ZNF248: variants seen among roughly 807,000 people sequenced by gnomAD.
ZNF248 encodes the protein KRAB protein domain.
ZNF248 carries 20 observed loss-of-function variants against 44.3 expected under a neutral mutation model. That is an observed-to-expected ratio of 0.45 (90% CI 0.32 to 0.66). The LOEUF (loss-of-function observed/expected upper bound fraction) is 0.66. ZNF248 is among the 30% of genes least tolerant of loss of function. The pLI, the probability that ZNF248 is intolerant of heterozygous loss-of-function variation, is 0.04. For synonymous variants in ZNF248, 224 were observed against 229.0 expected, an observed-to-expected ratio of 0.98 and a Z score of 0.20; for missense variants, 654 against 677.0, an observed-to-expected ratio of 0.97 and a Z score of 0.38.
the ZNF248 span, among the ~76,000 whole-genome samples, chr10:37,768,510 C>A: frequency 6.6e-6 from 1 of 152,168 alleles, no homozygotes; most frequent in Non-Finnish European, 1.5e-5. Context: ...ACAACCTGCT[C>A]CTGAATGACT....
intron 6 of ZNF248, among the ~76,000 whole-genome samples, chr10:37,797,569 G>A (rs753417290): frequency 1.3e-5 from 2 of 151,792 alleles, no homozygotes; most frequent in Non-Finnish European, 2.9e-5. Flanking sequence ...CAAGGGTCTG[G>A]TATCCAAATA....
intron 6 of ZNF248, among the ~76,000 whole-genome samples, chr10:37,818,148 C>T (rs2052843356): frequency 6.6e-6 from 1 of 152,102 alleles, no homozygotes; most frequent in African/African-American, 2.4e-5. Context: ...GATCTCCTGA[C>T]CTTGTGATCC....
intron 6 of ZNF248, among the ~76,000 whole-genome samples, chr10:37,817,976 CG>C (rs1482448893): frequency 6.6e-6 from 1 of 152,032 alleles, no homozygotes; most frequent in Non-Finnish European, 1.5e-5. Flanking sequence ...AGTGCAGTGG[CG>C]TGATCTCGGC....
intron 3 of ZNF248, among the ~76,000 whole-genome samples, chr10:37,841,850 C>A (rs2058407088): frequency 6.6e-6 from 1 of 152,156 alleles, no homozygotes; most frequent in Non-Finnish European, 1.5e-5. Context: ...AGACAAATAT[C>A]AACTGAGGGA....
the ZNF248 span, among the ~76,000 whole-genome samples, chr10:37,761,126 G>C: frequency 1.3e-5 from 2 of 152,114 alleles, no homozygotes; most frequent in Non-Finnish European, 2.9e-5. Context: ...AGGGTTACTG[G>C]CAGTTCCAAG....
downstream of ZNF248, among the ~76,000 whole-genome samples, chr10:37,827,213 T>C (rs1330636028): frequency 6.6e-6 from 1 of 152,200 alleles, no homozygotes; most frequent in African/African-American, 2.4e-5. Flanking sequence ...AAGCCTTTAC[T>C]AGGGGTCTGA....
chr10:37,781,354 C>T (rs973114707), intron 6 of ZNF248, among the ~76,000 whole-genome samples: 15 of 152,178 alleles, frequency 9.9e-5, no homozygotes, highest in African/African-American at 2.4e-4. Context: ...CTTGTTCCTG[C>T]GTCCAGGTCT....
chr10:37,823,385 C>T (rs1363626375), intron 6 of ZNF248, among the ~76,000 whole-genome samples: 8 of 115,632 alleles, frequency 6.9e-5, no homozygotes, highest in African/African-American at 2.5e-4. Flanking sequence ...AGGAACTAAT[C>T]ATTTTTTAAC....
intron 6 of ZNF248, among the ~76,000 whole-genome samples, chr10:37,797,096 G>A (rs1376822660): frequency 6.6e-6 from 1 of 152,148 alleles, no homozygotes; most frequent in African/African-American, 2.4e-5. Context: ...AGATGAGGAA[G>A]CTAAGGCATA....
intron 6 of ZNF248, among the ~76,000 whole-genome samples, chr10:37,814,088 C>A (rs2052020472): frequency 6.6e-6 from 1 of 152,028 alleles, no homozygotes; most frequent in Non-Finnish European, 1.5e-5. Context: ...GCATTTTTGT[C>A]CCTCATTTCC....
intron 6 of ZNF248, among the ~76,000 whole-genome samples, chr10:37,822,322 C>T (rs1436502132): frequency 2.6e-5 from 4 of 152,008 alleles, no homozygotes; most frequent in East Asian, 1.9e-4. Context: ...AAGCTGAAAA[C>T]GAGAACAACA....
intron 6 of ZNF248, chr10:37,819,593 C>T (rs2053125403): frequency 1.2e-6 from 1 of 857,022 alleles, no homozygotes; most frequent in East Asian, 2.4e-5. Flanking sequence ...ATTATGTATC[C>T]TTTTTAGTTC....
At chr10:37,819,075 G>A (rs1467876221) in intron 6 of ZNF248, 8 of 793,996 alleles carry the variant, frequency 1.0e-5, no homozygotes, top group Non-Finnish European at 1.4e-5. Context: ...ATCTTCGAAA[G>A]ACCAAGCTCT....
In ZNF248 at chr10:37,831,039, T is replaced by C; in HGVS notation, c.*576A>G. 9.5e-7 allele frequency: 1 copy of C among 1,056,826 alleles called. No individual in the cohort carries two copies. The highest frequency in any genetic ancestry group is 3.6e-5 in the East Asian group (1 of 27,842). The allele number at this position is 1,056,826 out of a possible 1,614,324, so 65.5% of individuals were successfully genotyped here. A position where few individuals can be genotyped will look rare whatever the true frequency, so the allele number is the denominator to read the frequency against. On this transcript the variant is annotated 3_prime_UTR_variant, in exon 6 of 6. Coordinates refer to ENST00000395867, the MANE Select transcript of ZNF248 (RefSeq NM_021045.3). Reference sequence around the variant, plus strand: ...ATGTGTGTAGAAATATATTTACATATACACACAAACATATGTACATACACA... The same window carrying C: ...ATGTGTGTAGAAATATATTTACATACACACACAAACATATGTACATACACA...
chr10:37,831,899 G>T lies in ZNF248; in HGVS notation c.1456C>A (p.His486Asn). ...CATATAAACGGTTTCTCCCCTGTGT[G>T]TGTTCTCTGATGCACAGTGAGGGCT... The part of the protein sequence containing the change: ...RSALTVHQRT[H>N]TGEKPFICNE... The change falls in exon 6 of 6, where the codon CAC (histidine) becomes AAC (asparagine). Residue 486 changes from histidine (H) to asparagine (N), a missense_variant. His to Asn is a moderately conservative substitution (Grantham distance 68, BLOSUM62 1). Coordinates refer to ENST00000395867, the MANE Select transcript of ZNF248 (RefSeq NM_021045.3). 1 of 1,614,024 alleles carries T rather than the reference G, an allele frequency of 6.2e-7. No individual in the cohort carries two copies. Among genetic ancestry groups the T allele is most frequent in the Non-Finnish European group, 8.5e-7 (1 of 1,179,952 alleles).
chr10:37,779,406 A>T (rs1460895816), intron 6 of ZNF248, among the ~76,000 whole-genome samples: 3 of 152,194 alleles, frequency 2.0e-5, no homozygotes, highest in African/African-American at 7.2e-5. Context: ...AGAGCCAAAG[A>T]CAAAAACCAC....
intron 6 of ZNF248, chr10:37,820,853 GTATTT>G: frequency 8.2e-7 from 1 of 1,217,238 alleles, no homozygotes; most frequent in Non-Finnish European, 1.2e-6. Flanking sequence ...TGTTTTGCAT[GTATTT>G]ATTTCTTCTT....
chr10:37,837,687 C>T lies in ZNF248; in HGVS notation c.168G>A (p.Val56=), dbSNP rs2057499114. 6.2e-7 allele frequency: 1 copy of T among 1,614,050 alleles called. No homozygotes were observed. The highest frequency in any genetic ancestry group is 2.2e-5 in the East Asian group (1 of 44,870). The change falls in exon 5 of 6, where the codon GTG becomes GTA. Residue 56 remains valine (V), a synonymous_variant. Transcript: ENST00000395867. ...CTTCTCCTTGCTCGATCTTAAAGAT[C>T]ACTTCTGGTTTAGTAATGCAATACC... ...SVGYCITKPE[V]IFKIEQGEEP...
chr10:37,818,702 G>A, intron 6 of ZNF248: 2 of 566,500 alleles, frequency 3.5e-6, no homozygotes, highest in South Asian at 3.5e-5. Flanking sequence ...AATGCAGCAA[G>A]TAGGGGGTCA....
Sources: gnomAD v4.1 joint callset for allele counts (sites outside exome capture counted in the v4.1 genomes callset) on GRCh38, gnomAD v4.1.1 for gene constraint, MANE v1.5 for transcripts, NCBI Gene and HGNC (gene_info 2026-07-23, HGNC 2026-07-21) for gene names.